Variants in USP36 observed in about 807,000 individuals in gnomAD.
USP36 encodes ubiquitin specific peptidase 36.
USP36 carries 59 observed loss-of-function variants against 111.5 expected under a neutral mutation model. The ratio of observed to expected loss-of-function variants is 0.53; its 90% CI spans 0.43 to 0.66. USP36 has a LOEUF of 0.66. Among genes scored for constraint, USP36 ranks in the 30% least tolerant of loss-of-function variants. USP36 has a pLI of 0.00. For synonymous variants in USP36, 628 were observed against 581.0 expected, an observed-to-expected ratio of 1.08 and a Z score of -1.16; for missense variants, 1,488 against 1,468.0, an observed-to-expected ratio of 1.01 and a Z score of -0.22.
At chr17:78,799,825 A>T in intron 17 of USP36, 57 bp from the exon 18 acceptor site, 1 of 1,304,406 alleles carries the variant, frequency 7.7e-7, no homozygotes, top group South Asian at 1.4e-5. Context: ...CCACTGGGGA[A>T]GCAATCGCAC....
intron 4 of USP36, among the ~76,000 whole-genome samples, chr17:78,832,724 A>G (rs985373471): frequency 6.6e-6 from 1 of 151,978 alleles, no homozygotes; most frequent in East Asian, 1.9e-4. Context: ...CTGGGATAGC[A>G]GAGTCTTACT....
At position 78,814,404 on chromosome 17, in the gene USP36, C is replaced by T. The variant is rs374497941; in HGVS notation, c.1164+8G>A. ...CAGGAGGCAGCTGCACTGACACAAGCCTCTCACCTTCACGTAGCAGTAATA... is the reference window on the plus strand; with the variant it reads ...CAGGAGGCAGCTGCACTGACACAAGTCTCTCACCTTCACGTAGCAGTAATA... On this transcript the variant is annotated splice_region_variant and intron_variant, in intron 11 of 20. Transcript: ENST00000449938. 66 of 1,613,686 alleles carry T rather than the reference C, an allele frequency of 4.1e-5. No individual in the cohort carries two copies. The highest frequency in any genetic ancestry group is 5.5e-5 in the Non-Finnish European group (65 of 1,179,928).
intron 5 of USP36, among the ~76,000 whole-genome samples, chr17:78,827,786 G>C (rs1156512595): frequency 6.6e-6 from 1 of 152,198 alleles, no homozygotes; most frequent in African/African-American, 2.4e-5. Flanking sequence ...GCATGTGCCT[G>C]TAGTCCCAGC....
Position 78,807,333 on chromosome 17 carries a change from A to G in USP36, c.1711T>C (p.Ser571Pro). ...SSRSGSQRQG[S>P]WDSRDVVLST... ...AGGACAACATCCCTGCTGTCCCAGGAGCCCTGCCTTTGGCTCCCAGATCTG... is the reference window on the plus strand; with the variant it reads ...AGGACAACATCCCTGCTGTCCCAGGGGCCCTGCCTTTGGCTCCCAGATCTG... The change falls in exon 14 of 21, where the codon TCC (serine) becomes CCC (proline). Residue 571 changes from serine (S) to proline (P), a missense_variant. By Grantham distance (74) the Ser-to-Pro change is moderately conservative (BLOSUM62 -1). Coordinates refer to ENST00000449938, the MANE Select transcript of USP36 (RefSeq NM_001385174.1). 1.9e-6 allele frequency: 3 copies of G among 1,614,190 alleles called. No individual in the cohort carries two copies. The highest frequency in any genetic ancestry group is 2.5e-6 in the Non-Finnish European group (3 of 1,180,024).
chr17:78,822,402 C>T (rs1335236307), intron 6 of USP36, among the ~76,000 whole-genome samples: 5 of 152,226 alleles, frequency 3.3e-5, no homozygotes, highest in East Asian at 1.9e-4. Context: ...TGAGCTAGGG[C>T]GCCCACCCAG....
Position 78,813,887 on chromosome 17 carries a change from G to C in USP36, c.1165-14C>G. On this transcript the variant is annotated splice_polypyrimidine_tract_variant and intron_variant, in intron 11 of 20. Coordinates refer to ENST00000449938, the MANE Select transcript of USP36 (RefSeq NM_001385174.1). Reference sequence around the variant, plus strand: ...TCCATTGCTTGCCTGAAGCAGCCAAGGATGTTGCAGAAAACAAAACAATCA... The same window carrying C: ...TCCATTGCTTGCCTGAAGCAGCCAACGATGTTGCAGAAAACAAAACAATCA... 6.2e-7 allele frequency: 1 copy of C among 1,610,228 alleles called. No individual in the cohort carries two copies. Among genetic ancestry groups the C allele is most frequent in the South Asian group, 1.1e-5 (1 of 90,486 alleles).
At position 78,798,645 on chromosome 17, in the gene USP36, G is replaced by T; in HGVS notation, c.3241-94C>A. Reference sequence around the variant, plus strand: ...TGCATGCAGGTCCTGCACACAGGCCGGGCTCTCATGAGCTCTCTGGAGACC... The same window carrying T: ...TGCATGCAGGTCCTGCACACAGGCCTGGCTCTCATGAGCTCTCTGGAGACC... On this transcript the variant is annotated intron_variant, in intron 19 of 20. Coordinates refer to ENST00000449938, the MANE Select transcript of USP36 (RefSeq NM_001385174.1). This position sits in a 1 kb window ranked among gnomAD's most constrained non-coding sequence, Gnocchi z 5.1. 2 of 1,568,056 alleles carry T rather than the reference G, an allele frequency of 1.3e-6. No homozygotes were observed. The highest frequency in any genetic ancestry group is 1.7e-6 in the Non-Finnish European group (2 of 1,158,524).
At chr17:78,834,990 A>T (rs921022787) in intron 4 of USP36, among the ~76,000 whole-genome samples, 1 of 84,198 alleles carries the variant, frequency 1.2e-5, no homozygotes, top group Non-Finnish European at 2.0e-5. Flanking sequence ...CTAAAAAAAT[A>T]ATATTTGTAT....
intron 1 of USP36, among the ~76,000 whole-genome samples, chr17:78,839,495 G>A (rs2069037181): frequency 6.6e-6 from 1 of 152,146 alleles, no homozygotes; most frequent in Non-Finnish European, 1.5e-5. Context: ...CACTGCTTTC[G>A]GTTAGGACTC....
rs546352311 is a variant in USP36, at chr17:78,833,303, A to G, written c.475+1977T>C. Among the ~76,000 whole-genome samples, 3 of 151,860 alleles carry G rather than the reference A, an allele frequency of 2.0e-5. No homozygotes were observed. In the South Asian group the frequency reaches 6.3e-4, roughly 32 times the overall value. On this transcript the variant is annotated intron_variant, in intron 4 of 20. Coordinates refer to ENST00000449938, the MANE Select transcript of USP36 (RefSeq NM_001385174.1). ...GTTCTTTTTTTTATGTTTTTTTGAG[A>G]CGGAATCTTGTTCTGTTGCCCAGGC...
intron 4 of USP36, among the ~76,000 whole-genome samples, chr17:78,833,767 T>C (rs1399442393): frequency 6.6e-6 from 1 of 152,200 alleles, no homozygotes; most frequent in Non-Finnish European, 1.5e-5. Context: ...TGTCATTTGG[T>C]AGTATTTTCC....
intron 4 of USP36, among the ~76,000 whole-genome samples, chr17:78,829,894 C>T (rs1039465786): frequency 6.6e-6 from 1 of 152,090 alleles, no homozygotes. Flanking sequence ...GCTCGTGCCA[C>T]CATGCCAGGC....
At position 78,835,430 on chromosome 17, in the gene USP36, G is replaced by A; in HGVS notation, c.325C>T (p.Arg109Ter). 6.2e-7 allele frequency: 1 copy of A among 1,614,188 alleles called. No homozygotes were observed. Among genetic ancestry groups the A allele is most frequent in the Non-Finnish European group, 8.5e-7 (1 of 1,180,020 alleles). The change falls in exon 4 of 21, where the codon CGA (arginine) becomes TGA (stop). Residue 109 changes from arginine (R) to a stop codon, truncating the protein, a stop_gained. Transcript: ENST00000449938. LOFTEE classifies it high-confidence loss of function. ...ACCCGCTCCCACCTCAGAGACAGTC[G>A]CTCCGTGGGGAAAAGCACTTTCTGC... The part of the protein sequence containing the change: ...APQKVLFPTE[R>*]LSLRWERVFR...
rs566393881 is a variant in USP36 at position 78,838,140 on chromosome 17, G to A, written c.-10+447C>T. Among the ~76,000 whole-genome samples the A allele has an allele frequency of 2.2e-4, 34 of 151,900 alleles. No individual in the cohort carries two copies. The East Asian group carries it at 5.4e-3, about 24-fold the overall frequency. On this transcript the variant is annotated intron_variant, in intron 2 of 20. Transcript: ENST00000449938. The stretch of plus-strand genomic sequence containing the variant: ...GCTCACGCCTGTAATCCCAGCACTT[G>A]GGAGGCCGAGACGGGTGGATCAGGA...
Position 78,795,787 on chromosome 17 carries a change from G to A in USP36, c.*2113C>T, listed in dbSNP as rs1207582814. The A allele has an allele frequency of 2.0e-5, 3 of 152,330 alleles. No homozygotes were observed. Among genetic ancestry groups the A allele is most frequent in the South Asian group, 2.1e-4 (1 of 4,830 alleles). The allele number at this position is 152,330 out of a possible 1,614,324, so 9.4% of individuals were successfully genotyped here. A position where few individuals can be genotyped will look rare whatever the true frequency, so the allele number is the denominator to read the frequency against. On this transcript the variant is annotated 3_prime_UTR_variant, in exon 21 of 21. Coordinates refer to ENST00000449938, the MANE Select transcript of USP36 (RefSeq NM_001385174.1). This position sits in a 1 kb window ranked among gnomAD's most constrained non-coding sequence, Gnocchi z 4.5. ...GGTGCGGCCATGCAACCAGGACGCG[G>A]GGCAGGCAAGTGAGAGGACCTGGGA... is the stretch of plus-strand genomic sequence containing the variant.
chr17:78,831,495 C>T (rs981445197), intron 4 of USP36, among the ~76,000 whole-genome samples: 1 of 151,756 alleles, frequency 6.6e-6, no homozygotes, highest in African/African-American at 2.4e-5. Flanking sequence ...CACCTGTAAT[C>T]CCAGCTACTT....
chr17:78,816,838 G>A (rs1297580892), intron 10 of USP36, among the ~76,000 whole-genome samples: 1 of 152,038 alleles, frequency 6.6e-6, no homozygotes, highest in South Asian at 2.1e-4. Flanking sequence ...TCAGTATATA[G>A]ATCAAAGAGT....
chr17:78,834,845 GT>G (rs2068497460), intron 4 of USP36, among the ~76,000 whole-genome samples: 1 of 152,014 alleles, frequency 6.6e-6, no homozygotes, highest in South Asian at 2.1e-4. Context: ...GCTAGGCATG[GT>G]GGCTCACACT....
At chr17:78,822,756 T>G (rs2094360508) in intron 6 of USP36, among the ~76,000 whole-genome samples, 1 of 152,154 alleles carries the variant, frequency 6.6e-6, no homozygotes, top group Non-Finnish European at 1.5e-5. Context: ...CTGCTCCTGG[T>G]TCTACTTGCA....
Sources: allele counts gnomAD v4.1 joint callset (sites outside exome capture counted in the v4.1 genomes callset), GRCh38; gene constraint gnomAD v4.1.1; non-coding constraint Gnocchi (gnomAD v3.1); transcripts MANE v1.5; gene names NCBI Gene and HGNC (gene_info 2026-07-23, HGNC 2026-07-21).